MFHAS1: variants seen among roughly 807,000 people sequenced by gnomAD.
MFHAS1 encodes malignant fibrous histiocytoma-amplified sequence 1.
Under a neutral mutation model 70.4 loss-of-function variants are expected in MFHAS1, and 50 were observed. That is an observed-to-expected ratio of 0.71 (90% confidence interval 0.57 to 0.90). The LOEUF is 0.90. MFHAS1 is among the 40% of genes least tolerant of loss of function. MFHAS1 has a pLI of 0.00. For synonymous variants in MFHAS1, 952 were observed against 620.0 expected (o/e 1.54, Z -7.96); for missense variants, 1,795 against 1,347.6 (o/e 1.33, Z -5.20).
chr8:8,801,403 C>T (rs996173240), intron 1 of MFHAS1, among the ~76,000 whole-genome samples: 2 of 152,180 alleles, frequency 1.3e-5, no homozygotes, highest in African/African-American at 4.8e-5. Flanking sequence ...AAGTTTCACA[C>T]ATGTGAAAAA....
chr8:8,824,557 A>G (rs1807086073), intron 1 of MFHAS1, among the ~76,000 whole-genome samples: 1 of 146,578 alleles, frequency 6.8e-6, no homozygotes, highest in Non-Finnish European at 1.5e-5. Flanking sequence ...ACACACACAC[A>G]CACACACACA....
intron 1 of MFHAS1, among the ~76,000 whole-genome samples, chr8:8,809,621 G>T (rs1806474900): frequency 6.6e-6 from 1 of 152,152 alleles, no homozygotes; most frequent in Non-Finnish European, 1.5e-5. Flanking sequence ...ACCCAAGAAA[G>T]GAAAACTATT....
chr8:8,892,888 C>G lies in MFHAS1; in HGVS notation c.171G>C (p.Val57=). ...CAATGTCCCCGAGGTTGGCCGGCAG[C>G]ACGAGCTGGGGGGAGGCGGGGGACT... is the stretch of plus-strand genomic sequence containing the variant. ...ALESPASPQL[V]LPANLGDIEA... Residue 57 remains valine, a synonymous_variant, in exon 1 of 3, where the codon GTG becomes GTC. Transcript: ENST00000276282. The surrounding 1 kb of genome is among the most constrained non-coding windows in gnomAD (Gnocchi z 4.7). The G allele has an allele frequency of 6.3e-7, 1 of 1,582,856 alleles. No homozygotes were observed. The highest frequency in any genetic ancestry group is 1.1e-5 in the South Asian group (1 of 87,262).
Position 8,892,349 on chromosome 8 carries a change from G to T in MFHAS1, c.710C>A (p.Ala237Asp). Residue 237 changes from alanine (A) to aspartate (D), a missense_variant, in exon 1 of 3, where the codon GCC becomes GAC. Ala to Asp is a moderately radical substitution (Grantham distance 126, BLOSUM62 -2). Transcript: ENST00000276282. This position sits in a 1 kb window ranked among gnomAD's most constrained non-coding sequence, Gnocchi z 4.7. Reference sequence around the variant, plus strand: ...GCCGGCGGGCAGCGTGCCAAGCTCGGCCCCACTCAGCCAGAGGATCTTGAG... The same window carrying T: ...GCCGGCGGGCAGCGTGCCAAGCTCGTCCCCACTCAGCCAGAGGATCTTGAG... ...RALKILWLSG[A>D]ELGTLPAGFC... 1 of 1,611,838 alleles carries T rather than the reference G, an allele frequency of 6.2e-7. No individual in the cohort carries two copies. Among genetic ancestry groups the T allele is most frequent in the South Asian group, 1.1e-5 (1 of 91,054 alleles).
intron 1 of MFHAS1, among the ~76,000 whole-genome samples, chr8:8,860,646 G>A (rs573298420): frequency 1.3e-5 from 2 of 152,300 alleles, no homozygotes; most frequent in South Asian, 2.1e-4. Context: ...TTTCCCAAAT[G>A]AAATGCCATA....
At chr8:8,802,001 T>C (rs921114163) in intron 1 of MFHAS1, among the ~76,000 whole-genome samples, 1 of 152,216 alleles carries the variant, frequency 6.6e-6, no homozygotes, top group Non-Finnish European at 1.5e-5. Flanking sequence ...GCGTGCACTT[T>C]ACCTTACCAT....
intron 1 of MFHAS1, among the ~76,000 whole-genome samples, chr8:8,840,580 T>G (rs145069597): frequency 2.6e-5 from 4 of 151,810 alleles, no homozygotes; most frequent in African/African-American, 9.7e-5. Flanking sequence ...GGTAATGACA[T>G]ACCATCAAAC....
At chr8:8,851,038 A>G (rs1808231626) in intron 1 of MFHAS1, among the ~76,000 whole-genome samples, 1 of 152,252 alleles carries the variant, frequency 6.6e-6, no homozygotes, top group Admixed American at 6.5e-5. Context: ...CCTCGACTTT[A>G]TCACCCAAAA....
intron 1 of MFHAS1, among the ~76,000 whole-genome samples, chr8:8,875,725 G>C (rs1737456411): frequency 6.6e-6 from 1 of 152,026 alleles, no homozygotes. Context: ...TGAGTAGCTG[G>C]GATTACAGGT....
chr8:8,799,307 G>A (rs755553152), intron 1 of MFHAS1, among the ~76,000 whole-genome samples: 27 of 152,142 alleles, frequency 1.8e-4, no homozygotes, highest in Non-Finnish European at 5.9e-5. Context: ...AAACTTTTAT[G>A]AATATGGTCT....
chr8:8,811,166 A>G (rs1806533192), intron 1 of MFHAS1, among the ~76,000 whole-genome samples: 1 of 152,108 alleles, frequency 6.6e-6, no homozygotes, highest in Admixed American at 6.5e-5. Context: ...CATCCGCAGA[A>G]TAAAATCCAG....
chr8:8,872,135 C>G (rs1809098436), intron 1 of MFHAS1, among the ~76,000 whole-genome samples: 1 of 152,160 alleles, frequency 6.6e-6, no homozygotes, highest in Admixed American at 6.5e-5. Context: ...CCATGGGAGG[C>G]AAGGGAGCAT....
chr8:8,826,146 A>G (rs1313189878), intron 1 of MFHAS1, among the ~76,000 whole-genome samples: 4 of 152,150 alleles, frequency 2.6e-5, no homozygotes, highest in African/African-American at 9.7e-5. Context: ...AGTGAAAAAT[A>G]AATGTCCACC....
intron 1 of MFHAS1, among the ~76,000 whole-genome samples, chr8:8,817,033 C>A (rs1016386962): frequency 6.6e-6 from 1 of 152,142 alleles, no homozygotes. Flanking sequence ...CAACACTATC[C>A]CCCTCGAAAT....
chr8:8,883,706 T>TAA (rs1563219802), intron 1 of MFHAS1, among the ~76,000 whole-genome samples: 1 of 35,708 alleles, frequency 2.8e-5, no homozygotes, highest in Admixed American at 4.1e-4. Flanking sequence ...AGACTCAGTC[T>TAA]CAAAAAAAAA....
Position 8,891,470 on chromosome 8 carries a change from G to A in MFHAS1, c.1589C>T (p.Ala530Val), listed in dbSNP as rs1563225206. 1.2e-6 allele frequency: 2 copies of A among 1,613,000 alleles called. No individual in the cohort carries two copies. Among genetic ancestry groups the A allele is most frequent in the Non-Finnish European group, 8.5e-7 (1 of 1,180,022 alleles). ...GTGGGTGCCCACGATGCACACCACCGCGTGGGGCACTCTCGCCCCGACCCG... is the reference window on the plus strand; with the variant it reads ...GTGGGTGCCCACGATGCACACCACCACGTGGGGCACTCTCGCCCCGACCCG... ...LHRVGARVPH[A>V]VVCIVGTHAD... Residue 530 changes from alanine to valine, a missense_variant, in exon 1 of 3, where the codon GCG (alanine) becomes GTG (valine). Ala to Val is a moderately conservative substitution (Grantham distance 64). Coordinates refer to ENST00000276282, the MANE Select transcript of MFHAS1 (RefSeq NM_004225.3). This position sits in a 1 kb window ranked among gnomAD's most constrained non-coding sequence, Gnocchi z 5.4.
chr8:8,825,398 C>G (rs1807122496), intron 1 of MFHAS1, among the ~76,000 whole-genome samples: 1 of 152,208 alleles, frequency 6.6e-6, no homozygotes, highest in Non-Finnish European at 1.5e-5. Context: ...GTGTCAAACT[C>G]CTGATCTCAA....
At chr8:8,836,893 G>A (rs967431939) in intron 1 of MFHAS1, among the ~76,000 whole-genome samples, 2 of 151,892 alleles carry the variant, frequency 1.3e-5, no homozygotes, top group African/African-American at 2.4e-5. Flanking sequence ...TTGTTCCGCC[G>A]CAGTGACAGT....
intron 1 of MFHAS1, among the ~76,000 whole-genome samples, chr8:8,842,535 C>G (rs552346707): frequency 1.8e-4 from 28 of 152,210 alleles, no homozygotes; most frequent in Middle Eastern, 3.4e-3. Flanking sequence ...CACAGTAACT[C>G]ACAACATCAA....
Sources: allele counts gnomAD v4.1 joint callset (sites outside exome capture counted in the v4.1 genomes callset), GRCh38; gene constraint gnomAD v4.1.1; non-coding constraint Gnocchi (gnomAD v3.1); transcripts MANE v1.5; gene names NCBI Gene and HGNC (gene_info 2026-07-23, HGNC 2026-07-21).